The following TAOK3 variants were observed in gnomAD, a reference collection of about 807,000 sequenced individuals.
TAOK3 encodes the protein serine/threonine-protein kinase TAO3.
A neutral mutation model predicts 120.4 loss-of-function variants in TAOK3; 40 were observed. That is an observed-to-expected ratio of 0.33 (90% CI 0.26 to 0.43). The LOEUF (loss-of-function observed/expected upper bound fraction) is 0.43, where lower values mean the gene tolerates loss of function less well. Among genes scored for constraint, TAOK3 ranks in the 20% least tolerant of loss-of-function variants. The probability of loss-of-function intolerance (pLI) is 1.00; values close to 1 mark genes in which losing one functional copy is unlikely to be tolerated. For missense variants in TAOK3, 821 were observed against 1,112.1 expected (o/e 0.74, Z 3.72); for synonymous variants, 355 against 387.5 (o/e 0.92, Z 0.99).
chr12:118,349,421 G>A (rs573558483), intron 1 of TAOK3, among the ~76,000 whole-genome samples: 1 of 152,186 alleles, frequency 6.6e-6, no homozygotes, highest in South Asian at 2.1e-4. Flanking sequence ...ATATTATTTG[G>A]CCATAAAAAG....
rs1164445043 is a variant in TAOK3, at chr12:118,172,650, T to G, written c.1706A>C (p.Glu569Ala). ...CKEKIKEEMNEDHSTPKKEKQ... is the reference protein window; with the variant it reads ...CKEKIKEEMNADHSTPKKEKQ... ...CTCTTTCTTGGGTGTGCTATGGTCC[T>G]CATTCATTTCCTAAAAAGAACAGAC... The change falls in exon 17 of 21, where the codon GAG (glutamate) becomes GCG (alanine). Residue 569 changes from glutamate (E) to alanine (A), a missense_variant. Transcript: ENST00000392533. 6.2e-7 allele frequency: 1 copy of G among 1,614,098 alleles called. No homozygotes were observed. The highest frequency in any genetic ancestry group is 8.5e-7 in the Non-Finnish European group (1 of 1,179,966).
intron 11 of TAOK3, among the ~76,000 whole-genome samples, chr12:118,209,283 AT>A (rs1213122406): frequency 6.6e-6 from 1 of 152,250 alleles, no homozygotes; most frequent in African/African-American, 2.4e-5. Flanking sequence ...TTGTGCAAAA[AT>A]AAAAACAACA....
intron 1 of TAOK3, among the ~76,000 whole-genome samples, chr12:118,302,359 G>C (rs904043977): frequency 2.0e-5 from 3 of 152,228 alleles, no homozygotes; most frequent in African/African-American, 7.2e-5. Context: ...AGGCAGTCTA[G>C]AGTGCTAGGT....
intron 17 of TAOK3, among the ~76,000 whole-genome samples, 174 bp downstream of exon 17, chr12:118,172,283 T>C (rs759800349): frequency 2.6e-4 from 40 of 152,088 alleles, no homozygotes; most frequent in Non-Finnish European, 5.1e-4. Flanking sequence ...CTTCCTCTTA[T>C]CAATAGTAAG....
At chr12:118,241,920 G>C (rs1484938421) in intron 5 of TAOK3, among the ~76,000 whole-genome samples, 1 of 152,038 alleles carries the variant, frequency 6.6e-6, no homozygotes, top group African/African-American at 2.4e-5. Context: ...AGACCAGCCT[G>C]ACCAACATGG....
At chr12:118,331,824 T>G (rs947686937) in intron 1 of TAOK3, among the ~76,000 whole-genome samples, 2 of 151,272 alleles carry the variant, frequency 1.3e-5, no homozygotes, top group African/African-American at 2.4e-5. Context: ...TACAAATACA[T>G]GAATTTTTTT....
chr12:118,328,276 G>T (rs1174812945), intron 1 of TAOK3, among the ~76,000 whole-genome samples: 2 of 152,076 alleles, frequency 1.3e-5, no homozygotes, highest in Non-Finnish European at 2.9e-5. Flanking sequence ...GGCCAGGCTG[G>T]TCTCGAACTC....
chr12:118,169,947 T>A (rs191110632), intron 17 of TAOK3, among the ~76,000 whole-genome samples: 2 of 151,540 alleles, frequency 1.3e-5, no homozygotes, highest in African/African-American at 4.8e-5. Context: ...GGTCTCCATC[T>A]CCCGACCTCG....
At chr12:118,231,948 A>G (rs1427271357) in intron 9 of TAOK3, among the ~76,000 whole-genome samples, 1 of 152,098 alleles carries the variant, frequency 6.6e-6, no homozygotes, top group Non-Finnish European at 1.5e-5. Context: ...AAAAGAAAAA[A>G]AAGAATTTTT....
intron 12 of TAOK3, chr12:118,200,392 A>G (rs903410513): frequency 5.3e-5 from 8 of 152,238 alleles, no homozygotes; most frequent in Non-Finnish European, 1.2e-4. Flanking sequence ...TTAAAGATGA[A>G]GAAGCCTGCC....
At chr12:118,317,623 T>C (rs2043525710) in intron 1 of TAOK3, among the ~76,000 whole-genome samples, 1 of 151,814 alleles carries the variant, frequency 6.6e-6, no homozygotes, top group Non-Finnish European at 1.5e-5. Flanking sequence ...CCTAAATAAA[T>C]AGAAAGACAT....
chr12:118,295,645 C>G (rs966666254), intron 1 of TAOK3, among the ~76,000 whole-genome samples: 2 of 152,188 alleles, frequency 1.3e-5, no homozygotes, highest in African/African-American at 4.8e-5. Flanking sequence ...TTGACTGAAA[C>G]AGTTTCTCAA....
At chr12:118,208,875 C>T (rs2038476336) in intron 11 of TAOK3, among the ~76,000 whole-genome samples, 2 of 152,026 alleles carry the variant, frequency 1.3e-5, no homozygotes, top group Admixed American at 1.3e-4. Context: ...CCATGCCCAG[C>T]TAATTTTTGT....
chr12:118,244,285 G>A (rs1425986154), intron 4 of TAOK3, among the ~76,000 whole-genome samples: 3 of 151,472 alleles, frequency 2.0e-5, no homozygotes, highest in Non-Finnish European at 4.4e-5. Context: ...CTTGTCTTGA[G>A]CTCCTGGGCT....
chr12:118,262,751 C>T (rs180696103), intron 2 of TAOK3, among the ~76,000 whole-genome samples: 79 of 144,576 alleles, frequency 5.5e-4, no homozygotes, highest in African/African-American at 1.9e-3. Flanking sequence ...CGCTTGAAAC[C>T]GGGAGGCAGA....
chr12:118,296,498 A>G (rs999762864), intron 1 of TAOK3, among the ~76,000 whole-genome samples: 2 of 152,168 alleles, frequency 1.3e-5, no homozygotes, highest in Admixed American at 6.5e-5. Context: ...TATAACTTCT[A>G]TAAGTTTCGG....
intron 9 of TAOK3, among the ~76,000 whole-genome samples, chr12:118,220,717 A>G (rs2039188993): frequency 6.6e-6 from 1 of 152,100 alleles, no homozygotes; most frequent in Admixed American, 6.6e-5. Flanking sequence ...TGAAGCAGCA[A>G]AGAGAAGGCC....
At chr12:118,212,080 G>T (rs2038661875) in intron 11 of TAOK3, among the ~76,000 whole-genome samples, 1 of 152,174 alleles carries the variant, frequency 6.6e-6, no homozygotes, top group Admixed American at 6.6e-5. Flanking sequence ...CCTAGCCAAG[G>T]TGTTCTTAAA....
intron 17 of TAOK3, among the ~76,000 whole-genome samples, chr12:118,168,976 CCTTCCTTCCTTCCTTCCTTCCTTCCTTT>C (rs2035793009): frequency 6.9e-6 from 1 of 144,776 alleles, no homozygotes; most frequent in Non-Finnish European, 1.5e-5. Flanking sequence ...TTCCTTCCTT[CCTTCCTTCCTTCCTTCCTTCCTTCCTTT>C]CTTTCTTTCT....
Sources: gnomAD v4.1 joint callset for allele counts (sites outside exome capture counted in the v4.1 genomes callset) on GRCh38, gnomAD v4.1.1 for gene constraint, MANE v1.5 for transcripts, NCBI Gene and HGNC (gene_info 2026-07-23, HGNC 2026-07-21) for gene names.